The following PHTF2 variants were observed in gnomAD, a reference collection of about 807,000 sequenced individuals.
PHTF2 encodes the protein putative homeodomain transcription factor 2, also known as protein PHTF2.
A neutral mutation model predicts 101.2 loss-of-function variants in PHTF2; 60 were observed. The observed-to-expected ratio is 0.59, with a 90% CI of 0.48 to 0.73. The LOEUF (loss-of-function observed/expected upper bound fraction) is 0.73, where lower values mean the gene tolerates loss of function less well. Ranked by LOEUF, PHTF2 falls within the 30% of genes least tolerant of loss-of-function variation. PHTF2 has a pLI of 0.00. For synonymous variants in PHTF2, 311 were observed against 307.3 expected (o/e 1.01, Z -0.13); for missense variants, 747 against 908.7 (o/e 0.82, Z 2.29).
rs368298735 is a variant in PHTF2 at position 77,855,951 on chromosome 7, A to G, written c.147+1117A>G. On this transcript the variant is annotated intron_variant, in intron 3 of 19. Transcript: ENST00000416283. ...AGGGTTAAAACAAAGTACTTTGTTT[A>G]CTCACCTGATTTTTGGTTTTTATAG... Among the ~76,000 whole-genome samples, 14 of 152,282 alleles carry G rather than the reference A, an allele frequency of 9.2e-5. No individual in the cohort carries two copies. The East Asian group carries it at 1.4e-3, about 15-fold the overall frequency.
At chr7:77,844,462 A>C (rs1276854119) in intron 2 of PHTF2, among the ~76,000 whole-genome samples, 1 of 152,218 alleles carries the variant, frequency 6.6e-6, no homozygotes. Context: ...CAAACTTTGA[A>C]ATTATTATAA....
chr7:77,907,733 G>A (rs531460054), intron 7 of PHTF2: 1 of 152,196 alleles, frequency 6.6e-6, no homozygotes, highest in South Asian at 2.1e-4. Flanking sequence ...TATACATTGA[G>A]ACATTTTACC....
intron 1 of PHTF2, among the ~76,000 whole-genome samples, chr7:77,816,648 A>G (rs117356620): frequency 0.022 from 3,367 of 152,306 alleles, 51 homozygotes; most frequent in Middle Eastern, 0.072. Flanking sequence ...CAACAGTGGT[A>G]TAGAACACTA....
At chr7:77,923,016 A>ATTGT (rs1803629315) in intron 11 of PHTF2, 1 of 1,177,200 alleles carries the variant, frequency 8.5e-7, no homozygotes, top group African/African-American at 1.6e-5. Flanking sequence ...AGACTCATAC[A>ATTGT]TTGTTTGTTG....
chr7:77,922,839 A>G (rs1046934474), intron 11 of PHTF2, 61 bp downstream of exon 10: 2 of 1,286,080 alleles, frequency 1.6e-6, no homozygotes, highest in African/African-American at 3.0e-5. Flanking sequence ...CTAATTTATA[A>G]CTTCTTTCAA....
chr7:77,851,117 C>T (rs537079998), intron 2 of PHTF2, among the ~76,000 whole-genome samples: 1 of 152,184 alleles, frequency 6.6e-6, no homozygotes, highest in East Asian at 1.9e-4. Flanking sequence ...GTAATACTGG[C>T]CTCATAAAAT....
At chr7:77,950,950 C>T (rs181196699) in intron 17 of PHTF2, among the ~76,000 whole-genome samples, 21 of 152,284 alleles carry the variant, frequency 1.4e-4, no homozygotes, top group Admixed American at 1.4e-3. Flanking sequence ...GGTGTACATT[C>T]CAGCCTAATC....
intron 5 of PHTF2, among the ~76,000 whole-genome samples, chr7:77,894,965 G>A (rs1003716094): frequency 1.2e-4 from 19 of 152,018 alleles, no homozygotes; most frequent in African/African-American, 4.6e-4. Flanking sequence ...ATTATGAAGG[G>A]GCTTGAATGC....
rs182412265 is a variant in PHTF2 at position 77,924,446 on chromosome 7, A to G, written c.1119+1668A>G. ...TCCTGATTGTCGTTTGTTGCAGGAAATATACAAAATGACTGTGGAACCTCT... is the reference window on the plus strand; with the variant it reads ...TCCTGATTGTCGTTTGTTGCAGGAAGTATACAAAATGACTGTGGAACCTCT... On this transcript the variant is annotated intron_variant, in intron 11 of 19. Transcript: ENST00000416283. Among the ~76,000 whole-genome samples the G allele has an allele frequency of 1.4e-3, 208 of 152,336 alleles. 1 individual carries two copies. Among genetic ancestry groups the G allele is most frequent in the African/African-American group, 4.8e-3 (200 of 41,588 alleles).
chr7:77,896,400 A>T (rs528257515), intron 5 of PHTF2, among the ~76,000 whole-genome samples: 3 of 152,210 alleles, frequency 2.0e-5, no homozygotes, highest in African/African-American at 7.2e-5. Context: ...TAAAAAAAAA[A>T]TTATTTTTCT....
chr7:77,925,495 G>GTTTTTTTTT lies in PHTF2; in HGVS notation c.1119+2740_1119+2748dup, dbSNP rs58290945. The stretch of plus-strand genomic sequence containing the variant: ...GCAATTATAGGCAATAGTTTTTAGG[G>GTTTTTTTTT]TTTTTTTTTTTTTTTTTTTTTTTTT... On this transcript the variant is annotated intron_variant, in intron 11 of 19. Coordinates refer to ENST00000416283, the Ensembl canonical transcript of PHTF2. Among the ~76,000 whole-genome samples, 106 of 73,160 alleles carry GTTTTTTTTT rather than the reference G, an allele frequency of 1.4e-3. 12 individuals carry two copies. The highest frequency in any genetic ancestry group is 5.6e-3 in the African/African-American group (96 of 17,294). The allele number at this position is 73,160 out of a possible 152,430, so 48.0% of individuals were successfully genotyped here. A position where few individuals can be genotyped will look rare whatever the true frequency, so the allele number is the denominator to read the frequency against.
intron 12 of PHTF2, among the ~76,000 whole-genome samples, chr7:77,929,562 G>A (rs1017199528): frequency 7.2e-5 from 11 of 152,060 alleles, no homozygotes; most frequent in Admixed American, 5.9e-4. Flanking sequence ...AAGTCAAATC[G>A]TGTGTTAGGT....
chr7:77,947,193 A>G (rs941967762), intron 16 of PHTF2, among the ~76,000 whole-genome samples: 1 of 152,190 alleles, frequency 6.6e-6, no homozygotes, highest in Non-Finnish European at 1.5e-5. Flanking sequence ...AAGATTCCCG[A>G]GAATAATTCT....
intron 3 of PHTF2, among the ~76,000 whole-genome samples, chr7:77,881,475 C>A (rs1584578485): frequency 6.6e-6 from 1 of 151,300 alleles, no homozygotes; most frequent in African/African-American, 2.4e-5. Context: ...CTCCTGATCT[C>A]TAGCCATAAT....
exon 10 of PHTF2, chr7:77,920,309 A>G (rs1257351189): frequency 1.3e-6 from 2 of 1,596,206 alleles, no homozygotes; most frequent in Admixed American, 1.8e-5. Context: ...CAATTGATAA[A>G]TCAACTGAAA....
At chr7:77,929,947 A>ATTTTTT (rs761290166) in intron 12 of PHTF2, among the ~76,000 whole-genome samples, 1 of 122,150 alleles carries the variant, frequency 8.2e-6, no homozygotes. Flanking sequence ...GACTAGCCAC[A>ATTTTTT]TTTTTTTTTT....
chr7:77,944,909 G>A (rs1409572634), intron 16 of PHTF2, among the ~76,000 whole-genome samples: 4 of 152,172 alleles, frequency 2.6e-5, no homozygotes, highest in African/African-American at 4.8e-5. Context: ...AGAATAAATA[G>A]CAAATTAAAG....
chr7:77,851,597 T>C (rs931604874), intron 2 of PHTF2, among the ~76,000 whole-genome samples: 1 of 151,150 alleles, frequency 6.6e-6, no homozygotes, highest in South Asian at 2.1e-4. Flanking sequence ...ATTTCTGCTC[T>C]GATTTTTTTT....
At chr7:77,921,712 C>A (rs962479418) in intron 10 of PHTF2, among the ~76,000 whole-genome samples, 9 of 152,042 alleles carry the variant, frequency 5.9e-5, no homozygotes, top group Non-Finnish European at 1.0e-4. Context: ...CGTTTTCAGG[C>A]TTGTATTAAT....
Sources: gnomAD v4.1 joint callset for allele counts (sites outside exome capture counted in the v4.1 genomes callset) on GRCh38, gnomAD v4.1.1 for gene constraint, MANE v1.5 for transcripts, NCBI Gene and HGNC (gene_info 2026-07-23, HGNC 2026-07-21) for gene names.